RIPOR2: variants seen among roughly 807,000 people sequenced by gnomAD.
The protein encoded by RIPOR2 is RHO family interacting cell polarization regulator 2, also known as rho family-interacting cell polarization regulator 2.
In RIPOR2, 39 loss-of-function variants were observed where a neutral mutation model predicts 114.5. The observed-to-expected ratio is 0.34, with a 90% confidence interval of 0.26 to 0.44. RIPOR2 has a LOEUF of 0.44. Among genes scored for constraint, RIPOR2 ranks in the 20% least tolerant of loss-of-function variants. The probability of loss-of-function intolerance (pLI) is 1.00; values close to 1 mark genes in which losing one functional copy is unlikely to be tolerated. For missense variants in RIPOR2, 1,007 were observed against 1,255.1 expected, an observed-to-expected ratio of 0.80 and a Z score of 2.99; for synonymous variants, 445 against 484.4, an observed-to-expected ratio of 0.92 and a Z score of 1.07.
intron 1 of RIPOR2, among the ~76,000 whole-genome samples, chr6:24,965,085 C>G (rs1286585417): frequency 6.6e-6 from 1 of 151,890 alleles, no homozygotes; most frequent in Non-Finnish European, 1.5e-5. Flanking sequence ...TATCTTTTAA[C>G]CTTTCTTTCA....
intron 15 of RIPOR2, among the ~76,000 whole-genome samples, chr6:24,833,966 A>G (rs1030329935): frequency 2.0e-5 from 3 of 152,180 alleles, no homozygotes; most frequent in African/African-American, 7.2e-5. Flanking sequence ...CTAAAAGAGA[A>G]ACAAGTGGTT....
chr6:24,838,687 C>T (rs1176111972), intron 14 of RIPOR2, among the ~76,000 whole-genome samples: 3 of 151,934 alleles, frequency 2.0e-5, no homozygotes, highest in Non-Finnish European at 2.9e-5. Context: ...CCAGCTACTC[C>T]GGAAGCTGAG....
At chr6:24,847,057 T>A (rs1403594479) in intron 12 of RIPOR2, among the ~76,000 whole-genome samples, 2 of 152,138 alleles carry the variant, frequency 1.3e-5, no homozygotes, top group Non-Finnish European at 2.9e-5. Flanking sequence ...GTTCAAGTGA[T>A]CCTCTCACCT....
At chr6:24,939,464 T>C (rs1771997431), upstream of RIPOR2, among the ~76,000 whole-genome samples, 1 of 152,028 alleles carries the variant, frequency 6.6e-6, no homozygotes, top group Non-Finnish European at 1.5e-5. Context: ...TCACCCAAGA[T>C]GGGAAATAAA....
intron 1 of RIPOR2, among the ~76,000 whole-genome samples, chr6:24,957,789 G>A (rs571667410): frequency 6.6e-6 from 1 of 152,286 alleles, no homozygotes; most frequent in South Asian, 2.1e-4. Flanking sequence ...GCAGGAAAAT[G>A]GAGTGAACCT....
intron 12 of RIPOR2, among the ~76,000 whole-genome samples, chr6:24,846,733 C>G (rs1282703607): frequency 6.6e-6 from 1 of 152,060 alleles, no homozygotes; most frequent in African/African-American, 2.4e-5. Flanking sequence ...GCAGGATGTT[C>G]CATGTATGTG....
At chr6:24,920,491 G>T (rs1206892674) in intron 1 of RIPOR2, among the ~76,000 whole-genome samples, 1 of 151,986 alleles carries the variant, frequency 6.6e-6, no homozygotes, top group African/African-American at 2.4e-5. Context: ...TTGCCCTTTA[G>T]TGTTCTGAAC....
intron 1 of RIPOR2, among the ~76,000 whole-genome samples, chr6:24,995,222 C>A (rs567062215): frequency 5.3e-5 from 8 of 152,322 alleles, no homozygotes; most frequent in Admixed American, 5.2e-4. Context: ...TAAAGGGGTC[C>A]TCAGCCTGGG....
intron 1 of RIPOR2, among the ~76,000 whole-genome samples, chr6:25,013,506 G>C (rs1455384278): frequency 6.6e-6 from 1 of 152,202 alleles, no homozygotes; most frequent in Non-Finnish European, 1.5e-5. Flanking sequence ...TGAGCATCAG[G>C]GGACTGTAGG....
intron 1 of RIPOR2, among the ~76,000 whole-genome samples, chr6:24,885,042 C>T (rs376408622): frequency 2.6e-5 from 4 of 152,206 alleles, no homozygotes; most frequent in South Asian, 2.1e-4. Flanking sequence ...ATATGCTCAG[C>T]GCTGGCAGGA....
intron 15 of RIPOR2, among the ~76,000 whole-genome samples, chr6:24,832,594 C>T (rs1385998225): frequency 2.0e-5 from 3 of 152,098 alleles, no homozygotes; most frequent in South Asian, 2.1e-4. Flanking sequence ...TGCATTTCTT[C>T]GTGTGTGCAT....
chr6:24,866,509 G>A (rs1764613469), intron 6 of RIPOR2, among the ~76,000 whole-genome samples: 1 of 130,356 alleles, frequency 7.7e-6, no homozygotes. Flanking sequence ...AGTAGTGCTA[G>A]GGTTGAAAAT....
chr6:25,031,426 G>C (rs1313392222), intron 1 of RIPOR2: 2 of 151,844 alleles, frequency 1.3e-5, no homozygotes, highest in Non-Finnish European at 2.9e-5. Flanking sequence ...CATTGTTGTG[G>C]TGGTTACACG....
chr6:24,957,495 G>C (rs540917927), intron 1 of RIPOR2, among the ~76,000 whole-genome samples: 3 of 152,302 alleles, frequency 2.0e-5, no homozygotes, highest in Non-Finnish European at 2.9e-5. Flanking sequence ...ATAGGGTTCT[G>C]TGGGCTCTTA....
intron 1 of RIPOR2, among the ~76,000 whole-genome samples, chr6:25,014,457 T>A (rs939847892): frequency 6.6e-6 from 1 of 152,144 alleles, no homozygotes; most frequent in Admixed American, 6.5e-5. Flanking sequence ...ATCGAAATAA[T>A]GAGATAACTA....
rs79436047 is a variant in RIPOR2, at chr6:24,912,495, C to G, written c.61+23343G>C. On this transcript the variant is annotated intron_variant, in intron 1 of 21. Coordinates refer to ENST00000643898, the MANE Select transcript of RIPOR2 (RefSeq NM_001286445.3). Reference sequence around the variant, plus strand: ...TTTTTTTTGCCCTTTCATTTCAGAGCTTTTATAGCACCTTAGTTTACTCTC... The same window carrying G: ...TTTTTTTTGCCCTTTCATTTCAGAGGTTTTATAGCACCTTAGTTTACTCTC... Among the ~76,000 whole-genome samples, 5 of 140,428 alleles carry G rather than the reference C, an allele frequency of 3.6e-5. No homozygotes were observed. The East Asian group carries it at 1.1e-3, about 30-fold the overall frequency. 92.1% of individuals were successfully genotyped at this position (140,428 alleles called of 152,430 possible). A position where few individuals can be genotyped will look rare whatever the true frequency, so the allele number is the denominator to read the frequency against.
At position 24,873,851 on chromosome 6, in the gene RIPOR2, A is replaced by ATTGGGCAT; in HGVS notation, c.189-53_189-52insATGCCCAA. 3 of 1,466,528 alleles carry ATTGGGCAT rather than the reference A, an allele frequency of 2.0e-6. No individual in the cohort carries two copies. The African/African-American group carries it at 4.3e-5, about 21-fold the overall frequency. The allele number at this position is 1,466,528 out of a possible 1,614,324, so 90.8% of individuals were successfully genotyped here. A position where few individuals can be genotyped will look rare whatever the true frequency, so the allele number is the denominator to read the frequency against. On this transcript the variant is annotated intron_variant, in intron 2 of 21. Transcript: ENST00000643898. Reference sequence around the variant, plus strand: ...AGGATTGGGCATCCAAAAGGATTTGACCAAAGAAAAATGTCTTCTATTATT... The same window carrying ATTGGGCAT: ...AGGATTGGGCATCCAAAAGGATTTGATTGGGCATCCAAAGAAAAATGTCTTCTATTATT...
rs1760059141 is a variant in RIPOR2, at chr6:24,825,266, T to C, written c.2828A>G (p.Tyr943Cys). 1 of 1,551,318 alleles carries C rather than the reference T, an allele frequency of 6.4e-7. No homozygotes were observed. The highest frequency in any genetic ancestry group is 2.0e-5 in the Admixed American group (1 of 50,988). Residue 943 changes from tyrosine (Y) to cysteine (C), a missense_variant, in exon 19 of 22, where the codon TAC (tyrosine) becomes TGC (cysteine). Physicochemically the swap from Tyr to Cys is radical, Grantham distance 194. Transcript: ENST00000643898. ...CTGATTTTTGGAGGCTGCTGCCAAGTAAAGCGTCACAGCCTCACTAACTTC... is the reference window on the plus strand; with the variant it reads ...CTGATTTTTGGAGGCTGCTGCCAAGCAAAGCGTCACAGCCTCACTAACTTC... ...DNEVSEAVTL[Y>C]LAAASKNQHF...
intron 5 of RIPOR2, 103 bp downstream of exon 5, chr6:24,870,763 C>T: frequency 9.0e-6 from 7 of 781,058 alleles, no homozygotes; most frequent in Non-Finnish European, 1.5e-5. Flanking sequence ...ATCCACCCAC[C>T]TCGGCCTCCC....
Sources: allele counts gnomAD v4.1 joint callset (sites outside exome capture counted in the v4.1 genomes callset), GRCh38; gene constraint gnomAD v4.1.1; transcripts MANE v1.5; gene names NCBI Gene and HGNC (gene_info 2026-07-23, HGNC 2026-07-21).